The following NUMB variants were observed in gnomAD, a reference collection of about 807,000 sequenced individuals.
NUMB encodes the protein NUMB endocytic adaptor protein.
Under a neutral mutation model 59.7 loss-of-function variants are expected in NUMB, and 29 were observed. The ratio of observed to expected loss-of-function variants is 0.49; its 90% CI spans 0.36 to 0.66. NUMB has a LOEUF of 0.66. NUMB is among the 30% of genes least tolerant of loss of function. NUMB has a pLI of 0.00. For synonymous variants in NUMB, 288 were observed against 288.2 expected (o/e 1.00, Z 0.01); for missense variants, 723 against 822.0 (o/e 0.88, Z 1.47).
intron 2 of NUMB, among the ~76,000 whole-genome samples, chr14:73,387,092 C>T (rs1024592188): frequency 4.6e-5 from 7 of 151,204 alleles, no homozygotes; most frequent in African/African-American, 9.7e-5. Context: ...CCGTTTTAGC[C>T]GGGATGGTCT....
At chr14:73,291,173 TG>T (rs1287756997) in intron 8 of NUMB, among the ~76,000 whole-genome samples, 1 of 147,058 alleles carries the variant, frequency 6.8e-6, no homozygotes, top group Non-Finnish European at 1.5e-5. Context: ...CTCTGCCTCC[TG>T]GGTTCAAGCG....
At chr14:73,455,483 A>G (rs1352016365) in intron 1 of NUMB, among the ~76,000 whole-genome samples, 1 of 152,234 alleles carries the variant, frequency 6.6e-6, no homozygotes, top group East Asian at 1.9e-4. Flanking sequence ...AACATGTACC[A>G]CATCCAGTTT....
intron 2 of NUMB, among the ~76,000 whole-genome samples, chr14:73,379,379 A>G (rs760404894): frequency 5.3e-5 from 8 of 152,210 alleles, no homozygotes; most frequent in Non-Finnish European, 8.8e-5. Context: ...TAATTACAAG[A>G]TAAGTATTCT....
At chr14:73,322,969 G>A in intron 5 of NUMB, 161 bp downstream of exon 5, 3 of 566,120 alleles carry the variant, frequency 5.3e-6, no homozygotes, top group Non-Finnish European at 9.3e-6. Flanking sequence ...AGGATTACAG[G>A]AGTGAGCCAC....
intron 1 of NUMB, among the ~76,000 whole-genome samples, chr14:73,414,240 G>A (rs1222501226): frequency 2.6e-5 from 4 of 152,102 alleles, no homozygotes; most frequent in African/African-American, 4.8e-5. Flanking sequence ...ACAGGCGTAA[G>A]CCACCACACC....
chr14:73,411,135 G>A (rs1304043385), intron 1 of NUMB, among the ~76,000 whole-genome samples: 2 of 150,134 alleles, frequency 1.3e-5, no homozygotes, highest in African/African-American at 4.9e-5. Context: ...AGGCTCAAGC[G>A]ATCCTCTCAC....
At chr14:73,384,516 G>A (rs974792790) in intron 2 of NUMB, among the ~76,000 whole-genome samples, 4 of 152,116 alleles carry the variant, frequency 2.6e-5, no homozygotes, top group Non-Finnish European at 5.9e-5. Context: ...CAGTAACACA[G>A]GAAAGAATCA....
At chr14:73,338,714 G>A (rs1473484221) in intron 4 of NUMB, among the ~76,000 whole-genome samples, 5 of 152,128 alleles carry the variant, frequency 3.3e-5, no homozygotes, top group Non-Finnish European at 5.9e-5. Context: ...AAATGTATGC[G>A]GGCATTTTTG....
chr14:73,397,785 G>A (rs1896207769), intron 2 of NUMB, among the ~76,000 whole-genome samples: 1 of 152,064 alleles, frequency 6.6e-6, no homozygotes, highest in African/African-American at 2.4e-5. Context: ...TCATATATGT[G>A]TCTATAAAGG....
chr14:73,432,704 C>A (rs1897885002), intron 1 of NUMB, among the ~76,000 whole-genome samples: 1 of 152,092 alleles, frequency 6.6e-6, no homozygotes, highest in Non-Finnish European at 1.5e-5. Flanking sequence ...GGAATAATGA[C>A]ACCAAATCAG....
chr14:73,436,012 A>C (rs1158885314), intron 1 of NUMB, among the ~76,000 whole-genome samples: 1 of 152,074 alleles, frequency 6.6e-6, no homozygotes, highest in Non-Finnish European at 1.5e-5. Context: ...TTTCAAAAAA[A>C]AAAAAAAGAA....
chr14:73,396,348 G>A (rs1370595696), intron 2 of NUMB, among the ~76,000 whole-genome samples: 1 of 151,284 alleles, frequency 6.6e-6, no homozygotes, highest in Non-Finnish European at 1.5e-5. Flanking sequence ...GTGTGTGTGT[G>A]TGTGTGTGTG....
At chr14:73,436,086 T>C (rs144309217) in intron 1 of NUMB, among the ~76,000 whole-genome samples, 178 of 152,202 alleles carry the variant, frequency 1.2e-3, no homozygotes, top group Non-Finnish European at 2.0e-3. Flanking sequence ...AAATGACATA[T>C]TGTGTCACTT....
chr14:73,293,294 G>A (rs1889521733), intron 7 of NUMB, among the ~76,000 whole-genome samples: 1 of 151,330 alleles, frequency 6.6e-6, no homozygotes, highest in Non-Finnish European at 1.5e-5. Flanking sequence ...CATACACACA[G>A]TTCTGCACCT....
chr14:73,399,085 G>A (rs1023874608), intron 2 of NUMB, among the ~76,000 whole-genome samples: 5 of 151,854 alleles, frequency 3.3e-5, no homozygotes, highest in African/African-American at 9.7e-5. Context: ...TACAGTATGC[G>A]CTTCCATAAT....
intron 1 of NUMB, among the ~76,000 whole-genome samples, chr14:73,451,162 AAAAAAAAAAAAAC>A (rs1348548750): frequency 2.8e-5 from 4 of 142,964 alleles, no homozygotes; most frequent in Non-Finnish European, 4.6e-5. Context: ...TCAAAAAAAA[AAAAAAAAAAAAAC>A]AAAAAACAAA....
At chr14:73,330,458 A>C (rs1891902423) in intron 4 of NUMB, among the ~76,000 whole-genome samples, 1 of 152,206 alleles carries the variant, frequency 6.6e-6, no homozygotes, top group South Asian at 2.1e-4. Context: ...ATTAAGTAGA[A>C]GCAAAAAATG....
At chr14:73,427,448 G>A (rs566241723) in intron 1 of NUMB, among the ~76,000 whole-genome samples, 2 of 152,142 alleles carry the variant, frequency 1.3e-5, no homozygotes, top group East Asian at 3.9e-4. Flanking sequence ...TTGGGCAACA[G>A]AGTGAGACTC....
intron 4 of NUMB, among the ~76,000 whole-genome samples, chr14:73,332,608 C>T (rs1237312010): frequency 2.0e-5 from 3 of 151,790 alleles, no homozygotes; most frequent in African/African-American, 7.3e-5. Flanking sequence ...GTCATCATTC[C>T]TGCCTTGCTT....
Sources: allele counts gnomAD v4.1 joint callset (sites outside exome capture counted in the v4.1 genomes callset), GRCh38; gene constraint gnomAD v4.1.1; transcripts MANE v1.5; gene names NCBI Gene and HGNC (gene_info 2026-07-23, HGNC 2026-07-21).